SMOC2: variants seen among roughly 807,000 people sequenced by gnomAD.
SMOC2 encodes the protein SPARC-related modular calcium-binding protein 2.
Under a neutral mutation model 61.4 loss-of-function variants are expected in SMOC2, and 39 were observed. That is an observed-to-expected ratio of 0.64 (90% CI 0.49 to 0.83). SMOC2 has a LOEUF of 0.83. Ranked by LOEUF, SMOC2 falls within the 40% of genes least tolerant of loss-of-function variation. The pLI is 0.00. For synonymous variants in SMOC2, 247 were observed against 239.9 expected (o/e 1.03, Z -0.27); for missense variants, 556 against 592.9 (o/e 0.94, Z 0.65).
chr6:168,651,772 G>A (rs112228579), intron 10 of SMOC2, among the ~76,000 whole-genome samples: 247 of 152,280 alleles, frequency 1.6e-3, no homozygotes, highest in African/African-American at 5.6e-3. Context: ...CGGGCGCAGG[G>A]GCTCACGCCT....
chr6:168,646,649 A>G (rs1787040022), intron 9 of SMOC2, among the ~76,000 whole-genome samples: 1 of 152,170 alleles, frequency 6.6e-6, no homozygotes, highest in South Asian at 2.1e-4. Context: ...AAGCATCAGA[A>G]TATTAACCCA....
chr6:168,636,034 A>G (rs1786708264), intron 9 of SMOC2, among the ~76,000 whole-genome samples: 3 of 152,216 alleles, frequency 2.0e-5, no homozygotes, highest in African/African-American at 7.2e-5. Flanking sequence ...TAAAATTGAA[A>G]TCTGGCAATG....
Position 168,441,195 on chromosome 6 carries a change from C to T in SMOC2, c.-176C>T. On this transcript the variant is annotated 5_prime_UTR_variant, in exon 1 of 13. Transcript: ENST00000356284. The stretch of plus-strand genomic sequence containing the variant: ...GGGCGGACGCAAAGAACGCGGAGGA[C>T]CTCTGGGTGCCTGCAGGGGAGCTGC... The T allele has an allele frequency of 1.1e-6, 1 of 927,598 alleles. No individual in the cohort carries two copies. Among genetic ancestry groups the T allele is most frequent in the African/African-American group, 1.8e-5 (1 of 56,512 alleles). 57.5% of individuals were successfully genotyped at this position (927,598 alleles called of 1,614,324 possible).
At chr6:168,539,118 A>G (rs1399620133) in intron 4 of SMOC2, among the ~76,000 whole-genome samples, 6 of 152,152 alleles carry the variant, frequency 3.9e-5, no homozygotes, top group Non-Finnish European at 8.8e-5. Flanking sequence ...AAATGCCCGC[A>G]TGTCCCCTCT....
chr6:168,667,324 G>C lies in SMOC2; in HGVS notation c.*886G>C, dbSNP rs1428031117. ...TGATCCTCCTACCTGGTCCACCCCA[G>C]GGCTACCGGAAGGTAAAATCTTCAC... On this transcript the variant is annotated 3_prime_UTR_variant, in exon 13 of 13. Transcript: ENST00000356284. 1.3e-5 allele frequency: 2 copies of C among 152,298 alleles called. No individual in the cohort carries two copies. The highest frequency in any genetic ancestry group is 3.9e-4 in the East Asian group (2 of 5,166). The allele number at this position is 152,298 out of a possible 1,614,324, so 9.4% of individuals were successfully genotyped here. A position where few individuals can be genotyped will look rare whatever the true frequency, so the allele number is the denominator to read the frequency against.
chr6:168,441,418 C>G lies in SMOC2; in HGVS notation c.48C>G (p.Leu16=). 1.3e-6 allele frequency: 2 copies of G among 1,509,676 alleles called. No individual in the cohort carries two copies. Among genetic ancestry groups the G allele is most frequent in the Non-Finnish European group, 1.8e-6 (2 of 1,133,346 alleles). The allele number at this position is 1,509,676 out of a possible 1,614,324, so 93.5% of individuals were successfully genotyped here. The change falls in exon 1 of 13, where the codon CTC becomes CTG. Residue 16 remains leucine (L), a synonymous_variant. Coordinates refer to ENST00000356284, the MANE Select transcript of SMOC2 (RefSeq NM_001166412.2). ...LCWLPLLAGL[L]PPVPAQKFSA... is the part of the protein sequence containing the mutation. ...GGCTGCCGCTGCTCGCTGGGCTGCT[C>G]CCGCCGGTGCCCGCTCAGAAGTTCT...
intron 2 of SMOC2, among the ~76,000 whole-genome samples, chr6:168,512,881 C>G (rs945896158): frequency 2.0e-5 from 3 of 152,206 alleles, no homozygotes; most frequent in Non-Finnish European, 2.9e-5. Flanking sequence ...GGAGCTGACT[C>G]CATCTAACTT....
At chr6:168,657,082 G>A (rs2115281856) in intron 11 of SMOC2, among the ~76,000 whole-genome samples, 1 of 152,366 alleles carries the variant, frequency 6.6e-6, no homozygotes, top group African/African-American at 2.4e-5. Context: ...CTGATCAACT[G>A]CAATGCATGA....
intron 1 of SMOC2, among the ~76,000 whole-genome samples, chr6:168,490,422 T>C (rs978614007): frequency 8.5e-5 from 13 of 152,158 alleles, no homozygotes; most frequent in African/African-American, 3.1e-4. Context: ...CAAGGCATTG[T>C]CACACCAGGT....
intron 9 of SMOC2, among the ~76,000 whole-genome samples, chr6:168,624,715 GACACAGAC>G (rs1487125542): frequency 6.6e-6 from 1 of 150,650 alleles, no homozygotes; most frequent in African/African-American, 2.4e-5. Flanking sequence ...CGGACACACA[GACACAGAC>G]ACACAGACAC....
intron 1 of SMOC2, among the ~76,000 whole-genome samples, chr6:168,446,995 T>C (rs1260491501): frequency 6.6e-6 from 1 of 152,222 alleles, no homozygotes; most frequent in Non-Finnish European, 1.5e-5. Flanking sequence ...AATGTCAATA[T>C]AGCATGTCCA....
chr6:168,665,449 CAT>C (rs1358326392), intron 12 of SMOC2, among the ~76,000 whole-genome samples: 1 of 152,256 alleles, frequency 6.6e-6, no homozygotes, highest in Non-Finnish European at 1.5e-5. Flanking sequence ...CAAAGAATAA[CAT>C]AGTGCCAGCC....
chr6:168,502,101 A>T (rs1782744993), intron 1 of SMOC2, among the ~76,000 whole-genome samples: 1 of 152,192 alleles, frequency 6.6e-6, no homozygotes. Context: ...CAGCAAGAGG[A>T]TCCCTTAGTG....
chr6:168,574,111 G>C (rs111593771), intron 7 of SMOC2, among the ~76,000 whole-genome samples: 4,590 of 152,370 alleles, frequency 0.03, 261 homozygotes, highest in African/African-American at 0.1. Context: ...TCCTGCAGCT[G>C]TCTTTTCCCT....
At chr6:168,494,042 G>A (rs1312035021) in intron 1 of SMOC2, among the ~76,000 whole-genome samples, 1 of 152,174 alleles carries the variant, frequency 6.6e-6, no homozygotes, top group Non-Finnish European at 1.5e-5. Context: ...CGATCCTGAA[G>A]TCTTTTCTCT....
At chr6:168,611,442 C>T (rs996008448) in intron 9 of SMOC2, among the ~76,000 whole-genome samples, 55 of 103,514 alleles carry the variant, frequency 5.3e-4, no homozygotes, top group Middle Eastern at 5.7e-3. Flanking sequence ...CGGGCCTGGC[C>T]GTGGCTCCCA....
chr6:168,448,433 G>A (rs931382183), intron 1 of SMOC2, among the ~76,000 whole-genome samples: 2 of 131,754 alleles, frequency 1.5e-5, no homozygotes, highest in Non-Finnish European at 3.0e-5. Context: ...GACGATGATG[G>A]GGAGAAGGAT....
At chr6:168,517,697 C>T (rs1193997968) in intron 2 of SMOC2, among the ~76,000 whole-genome samples, 1 of 152,230 alleles carries the variant, frequency 6.6e-6, no homozygotes, top group Non-Finnish European at 1.5e-5. Flanking sequence ...CTGCGGCTCG[C>T]AGCTTCTTCT....
intron 1 of SMOC2, among the ~76,000 whole-genome samples, chr6:168,464,183 T>G: frequency 1.6e-5 from 1 of 64,204 alleles, no homozygotes. Context: ...AGAGCAAGAC[T>G]GTCAAAAAAA....
Sources: allele counts gnomAD v4.1 joint callset (sites outside exome capture counted in the v4.1 genomes callset), GRCh38; gene constraint gnomAD v4.1.1; transcripts MANE v1.5; gene names NCBI Gene and HGNC (gene_info 2026-07-23, HGNC 2026-07-21).